The following MBOAT2 variants were observed in gnomAD, a reference collection of about 807,000 sequenced individuals.
MBOAT2 encodes the protein membrane-bound glycerophospholipid O-acyltransferase 2.
MBOAT2 carries 28 observed loss-of-function variants against 63.4 expected under a neutral mutation model. That is an observed-to-expected ratio of 0.44 (90% confidence interval 0.33 to 0.61). The LOEUF (loss-of-function observed/expected upper bound fraction) is 0.61. Among genes scored for constraint, MBOAT2 ranks in the 20% least tolerant of loss-of-function variants. The pLI is 0.03. For missense variants in MBOAT2, 470 were observed against 605.8 expected, an observed-to-expected ratio of 0.78 and a Z score of 2.35; for synonymous variants, 211 against 215.6, an observed-to-expected ratio of 0.98 and a Z score of 0.19.
rs377016825 is a variant in MBOAT2 at position 8,889,488 on chromosome 2, A to G, written c.396-1415T>C. Among the ~76,000 whole-genome samples the G allele has an allele frequency of 3.9e-5, 6 of 152,326 alleles. No individual in the cohort carries two copies. In the South Asian group the frequency reaches 1.2e-3, roughly 32 times the overall value. ...TCTTACATTTACATACTCACTCCTC[A>G]GGAAATCATGCTTCAACCAACCTAA... On this transcript the variant is annotated intron_variant, in intron 4 of 12. Coordinates refer to ENST00000305997, the MANE Select transcript of MBOAT2 (RefSeq NM_138799.4).
chr2:8,956,915 T>G (rs11678171), intron 2 of MBOAT2, among the ~76,000 whole-genome samples: 14 of 152,220 alleles, frequency 9.2e-5, no homozygotes, highest in African/African-American at 3.1e-4. Context: ...GTAGGAGATA[T>G]TGTTTATATT....
At chr2:8,892,427 T>C (rs1460978074) in intron 4 of MBOAT2, among the ~76,000 whole-genome samples, 1 of 152,114 alleles carries the variant, frequency 6.6e-6, no homozygotes. Flanking sequence ...CCATTGGTCT[T>C]AGTCATCCAT....
chr2:8,866,937 A>C (rs1284810856), intron 9 of MBOAT2, among the ~76,000 whole-genome samples: 1 of 152,198 alleles, frequency 6.6e-6, no homozygotes, highest in Non-Finnish European at 1.5e-5. Context: ...CTGACTGCCC[A>C]CTTTTAGCAA....
intron 1 of MBOAT2, among the ~76,000 whole-genome samples, chr2:8,992,383 T>TG (rs1190097559): frequency 1.3e-5 from 2 of 152,184 alleles, no homozygotes; most frequent in Non-Finnish European, 2.9e-5. Context: ...GGGATCCTCC[T>TG]GCCTTGGCCT....
At chr2:8,934,987 C>T (rs544774373) in intron 3 of MBOAT2, among the ~76,000 whole-genome samples, 2 of 152,176 alleles carry the variant, frequency 1.3e-5, no homozygotes, top group East Asian at 3.9e-4. Flanking sequence ...CTGTGAGTAC[C>T]GGCAGATGAC....
chr2:8,947,771 T>C (rs1183227889), intron 2 of MBOAT2, among the ~76,000 whole-genome samples: 1 of 152,224 alleles, frequency 6.6e-6, no homozygotes. Context: ...TCCTGCATAT[T>C]GACAATGTAC....
At chr2:8,875,267 A>G (rs1662625013) in intron 7 of MBOAT2, among the ~76,000 whole-genome samples, 1 of 152,248 alleles carries the variant, frequency 6.6e-6, no homozygotes, top group African/African-American at 2.4e-5. Flanking sequence ...TATGCACGTG[A>G]AATTTAAATA....
chr2:8,894,003 C>T (rs1485845090), intron 4 of MBOAT2, among the ~76,000 whole-genome samples: 1 of 151,916 alleles, frequency 6.6e-6, no homozygotes, highest in African/African-American at 2.4e-5. Flanking sequence ...GCAGATCGTG[C>T]AGGTTTGTTA....
intron 9 of MBOAT2, among the ~76,000 whole-genome samples, chr2:8,865,952 G>A (rs1242770088): frequency 2.0e-5 from 3 of 152,136 alleles, no homozygotes; most frequent in South Asian, 2.1e-4. Flanking sequence ...CAGGAGAATC[G>A]CTTGAACCCG....
At chr2:8,983,624 T>C (rs1374143137) in intron 1 of MBOAT2, among the ~76,000 whole-genome samples, 1 of 152,208 alleles carries the variant, frequency 6.6e-6, no homozygotes, top group African/African-American at 2.4e-5. Context: ...CTGGACCCTG[T>C]TGCTAAAAAG....
chr2:8,928,281 C>T (rs1667071254), intron 3 of MBOAT2, among the ~76,000 whole-genome samples: 1 of 152,086 alleles, frequency 6.6e-6, no homozygotes, highest in African/African-American at 2.4e-5. Context: ...GAGGTCTCAG[C>T]CAGTTCCAGG....
At chr2:8,994,793 G>A (rs1437157559) in intron 1 of MBOAT2, among the ~76,000 whole-genome samples, 1 of 152,208 alleles carries the variant, frequency 6.6e-6, no homozygotes, top group East Asian at 1.9e-4. Flanking sequence ...CATCAAGGAG[G>A]CATAGGCTTT....
intron 3 of MBOAT2, among the ~76,000 whole-genome samples, chr2:8,918,056 G>C (rs1215310575): frequency 6.6e-6 from 1 of 152,188 alleles, no homozygotes; most frequent in African/African-American, 2.4e-5. Context: ...ATCATTGGTT[G>C]CAGGAGACAG....
intron 1 of MBOAT2, among the ~76,000 whole-genome samples, chr2:8,996,854 T>A (rs1226479991): frequency 2.0e-5 from 3 of 152,214 alleles, no homozygotes; most frequent in Non-Finnish European, 4.4e-5. Flanking sequence ...ACGTATAACA[T>A]TAAGCAGAAT....
rs1178644486 is a variant in MBOAT2, at chr2:8,965,671, G to A, written c.76-7029C>T. 5.3e-5 allele frequency among the ~76,000 whole-genome samples: 8 copies of A among 152,004 alleles called. No individual in the cohort carries two copies. The South Asian group carries it at 1.5e-3, about 28-fold the overall frequency. ...AATTTCCTCCCTCTTACTAGAACAC[G>A]AGAAAGGAGTTTCTAGGGTATTTAA... On this transcript the variant is annotated intron_variant, in intron 1 of 12. Coordinates refer to ENST00000305997, the MANE Select transcript of MBOAT2 (RefSeq NM_138799.4).
chr2:8,864,590 C>G (rs1355450496), intron 9 of MBOAT2, among the ~76,000 whole-genome samples: 3 of 152,084 alleles, frequency 2.0e-5, no homozygotes, highest in Non-Finnish European at 2.9e-5. Flanking sequence ...CTTGTTACCT[C>G]CTTCCCGCCA....
At chr2:8,951,166 T>A (rs2103258507) in intron 2 of MBOAT2, among the ~76,000 whole-genome samples, 2 of 151,924 alleles carry the variant, frequency 1.3e-5, no homozygotes, top group Admixed American at 1.3e-4. Context: ...TCCCTTCTCC[T>A]CAATTTTTTT....
At chr2:8,903,757 G>T (rs987646219) in intron 4 of MBOAT2, among the ~76,000 whole-genome samples, 4 of 151,950 alleles carry the variant, frequency 2.6e-5, no homozygotes, top group Non-Finnish European at 4.4e-5. Context: ...CCTTCATCCG[G>T]GTTTCCTTGG....
In MBOAT2 at chr2:8,862,560, G is replaced by T; in HGVS notation, c.1185+30C>A. 1 of 1,597,570 alleles carries T rather than the reference G, an allele frequency of 6.3e-7. No homozygotes were observed. The highest frequency in any genetic ancestry group is 8.5e-7 in the Non-Finnish European group (1 of 1,173,374). ...TTTTTAACAGTTCAAGTGGACCATT[G>T]AATTGTAAAATAAAATTCTTGATAC... On this transcript the variant is annotated intron_variant, in intron 11 of 12. Coordinates refer to ENST00000305997, the MANE Select transcript of MBOAT2 (RefSeq NM_138799.4). The surrounding 1 kb of genome is among the most constrained non-coding windows in gnomAD (Gnocchi z 4.3).
Sources: allele counts gnomAD v4.1 joint callset (sites outside exome capture counted in the v4.1 genomes callset), GRCh38; gene constraint gnomAD v4.1.1; non-coding constraint Gnocchi (gnomAD v3.1); transcripts MANE v1.5; gene names NCBI Gene and HGNC (gene_info 2026-07-23, HGNC 2026-07-21).